Variants in BCAS3 observed in about 807,000 individuals in gnomAD.
BCAS3 encodes the protein BCAS4/BCAS3 fusion.
BCAS3 carries 53 observed loss-of-function variants against 116.1 expected under a neutral mutation model. That is an observed-to-expected ratio of 0.46 (90% CI 0.37 to 0.57). BCAS3 has a LOEUF of 0.57. Among genes scored for constraint, BCAS3 ranks in the 20% least tolerant of loss-of-function variants. BCAS3 has a pLI of 0.00. For synonymous variants in BCAS3, 391 were observed against 408.2 expected (o/e 0.96, Z 0.51); for missense variants, 917 against 1,165.4 (o/e 0.79, Z 3.10).
At chr17:60,958,509 T>C (rs755001505) in intron 14 of BCAS3, among the ~76,000 whole-genome samples, 5 of 152,202 alleles carry the variant, frequency 3.3e-5, no homozygotes, top group Non-Finnish European at 7.3e-5. Flanking sequence ...GCAAGACTTG[T>C]ACTCTGAAAG....
chr17:61,224,829 T>C lies in BCAS3; in HGVS notation c.2425+140265T>C, dbSNP rs1382901438. ...CTGAAGTACTTTTAGCACATTTGGC[T>C]TCAGCCTAGCCATATTTCAAGTGCT... On this transcript the variant is annotated intron_variant, in intron 22 of 23. Coordinates refer to ENST00000407086, the MANE Select transcript of BCAS3 (RefSeq NM_017679.5). The surrounding 1 kb of genome is among the most constrained non-coding windows in gnomAD (Gnocchi z 5.7). 1.3e-5 allele frequency among the ~76,000 whole-genome samples: 2 copies of C among 152,246 alleles called. No individual in the cohort carries two copies. The highest frequency in any genetic ancestry group is 4.8e-5 in the African/African-American group (2 of 41,466).
At position 61,134,426 on chromosome 17, in the gene BCAS3, G is replaced by A. The variant is rs548629077; in HGVS notation, c.2425+49862G>A. 5.9e-5 allele frequency among the ~76,000 whole-genome samples: 9 copies of A among 152,274 alleles called. No individual in the cohort carries two copies. In the South Asian group the frequency reaches 8.3e-4, roughly 14 times the overall value. ...TGGTGGAATGAGGATTCGGAACCAC[G>A]CATGTCTGACTCCAGAGCCCTCGCT... On this transcript the variant is annotated intron_variant, in intron 22 of 23. Transcript: ENST00000407086. This position sits in a 1 kb window ranked among gnomAD's most constrained non-coding sequence, Gnocchi z 4.6.
At chr17:60,897,908 A>T (rs948926826) in intron 10 of BCAS3, among the ~76,000 whole-genome samples, 18 of 145,478 alleles carry the variant, frequency 1.2e-4, no homozygotes, top group Admixed American at 2.7e-4. Flanking sequence ...TTTTATTTTT[A>T]TTTTTTTTTT....
At chr17:60,839,390 T>C (rs910653845) in intron 7 of BCAS3, among the ~76,000 whole-genome samples, 5 of 152,208 alleles carry the variant, frequency 3.3e-5, no homozygotes, top group Admixed American at 2.0e-4. Context: ...GAAGAATGTC[T>C]GATTCCAACC....
At chr17:60,965,843 C>T (rs909436696) in intron 14 of BCAS3, among the ~76,000 whole-genome samples, 17 of 152,156 alleles carry the variant, frequency 1.1e-4, no homozygotes, top group African/African-American at 3.9e-4. Context: ...GTTCTCTAAA[C>T]GTAGTTAGGC....
chr17:60,921,501 T>C (rs1468535650), intron 12 of BCAS3, among the ~76,000 whole-genome samples: 1 of 149,274 alleles, frequency 6.7e-6, no homozygotes, highest in African/African-American at 2.5e-5. Flanking sequence ...TAGTCCCAGC[T>C]ACTTGGGAGG....
chr17:61,168,939 A>G (rs1190273855), intron 22 of BCAS3, among the ~76,000 whole-genome samples: 1 of 152,188 alleles, frequency 6.6e-6, no homozygotes, highest in African/African-American at 2.4e-5. Context: ...CACAAATGGA[A>G]AAGTCTCACC....
chr17:60,703,937 G>GA lies in BCAS3; in HGVS notation c.215-5272dup, dbSNP rs918524218. On this transcript the variant is annotated intron_variant, in intron 4 of 23. Transcript: ENST00000407086. ...GTCTCAAAAAAAAAAAAGAAAAAAA[G>GA]AAAAAAAAAAGAAAGACTTACTATA... Among the ~76,000 whole-genome samples the GA allele has an allele frequency of 2.3e-3, 327 of 140,120 alleles. 2 individuals carry two copies. The highest frequency in any genetic ancestry group is 8.0e-3 in the African/African-American group (295 of 37,008). 91.9% of individuals were successfully genotyped at this position (140,120 alleles called of 152,430 possible). A position where few individuals can be genotyped will look rare whatever the true frequency, so the allele number is the denominator to read the frequency against.
intron 7 of BCAS3, chr17:60,811,001 C>T (rs577237732): frequency 7.5e-6 from 5 of 665,450 alleles, no homozygotes; most frequent in Admixed American, 1.9e-5. Flanking sequence ...GAAGAGAGCA[C>T]CACAGTGGTC....
intron 7 of BCAS3, among the ~76,000 whole-genome samples, chr17:60,814,269 TTGTGTGTGTGTGTG>T (rs67077498): frequency 1.0e-4 from 14 of 134,852 alleles, no homozygotes; most frequent in Non-Finnish European, 1.4e-4. Context: ...TCTTGGTATT[TTGTGTGTGTGTGTG>T]TGTGTGTGTG....
rs370474249 is a variant in BCAS3, at chr17:61,136,091, C to T, written c.2425+51527C>T. On this transcript the variant is annotated intron_variant, in intron 22 of 23. Transcript: ENST00000407086. This position sits in a 1 kb window ranked among gnomAD's most constrained non-coding sequence, Gnocchi z 4.4. Reference sequence around the variant, plus strand: ...CGCCTGCCTTCCCCGCGACCGGCAGCCTGAGCTCTAACAATTCTCAACTAC... The same window carrying T: ...CGCCTGCCTTCCCCGCGACCGGCAGTCTGAGCTCTAACAATTCTCAACTAC... 3 of 154,090 alleles carry T rather than the reference C, an allele frequency of 1.9e-5. No homozygotes were observed. The highest frequency in any genetic ancestry group is 7.2e-5 in the African/African-American group (3 of 41,478). The allele number at this position is 154,090 out of a possible 1,614,324, so 9.5% of individuals were successfully genotyped here.
chr17:61,386,864 G>T (rs1245729159), intron 23 of BCAS3, among the ~76,000 whole-genome samples: 1 of 146,866 alleles, frequency 6.8e-6, no homozygotes, highest in Middle Eastern at 3.7e-3. Context: ...CTGCAGCCTG[G>T]AACACCTGGG....
chr17:60,717,622 G>A lies in BCAS3; in HGVS notation c.321+8297G>A, dbSNP rs996775838. On this transcript the variant is annotated intron_variant, in intron 5 of 23. Coordinates refer to ENST00000407086, the MANE Select transcript of BCAS3 (RefSeq NM_017679.5). ...GTCCAAGAGTTAGCAGTTGGCTAGG[G>A]CTTTGTTTTCGCCCTTGTAAGGACA... 2.6e-5 allele frequency among the ~76,000 whole-genome samples: 4 copies of A among 152,126 alleles called. 1 individual carries two copies. Among genetic ancestry groups the A allele is most frequent in the African/African-American group, 9.7e-5 (4 of 41,428 alleles).
intron 22 of BCAS3, among the ~76,000 whole-genome samples, chr17:61,218,167 G>A (rs1193016242): frequency 1.3e-5 from 2 of 152,120 alleles, no homozygotes; most frequent in East Asian, 3.9e-4. Flanking sequence ...GTTCCTCCTG[G>A]AGCTGACTAC....
chr17:60,950,721 T>C (rs969419158), intron 14 of BCAS3, among the ~76,000 whole-genome samples: 2 of 152,192 alleles, frequency 1.3e-5, no homozygotes, highest in African/African-American at 2.4e-5. Context: ...AACAATGAGA[T>C]ATAGTCAACA....
At chr17:61,165,512 C>T (rs889307394) in intron 22 of BCAS3, among the ~76,000 whole-genome samples, 2 of 152,030 alleles carry the variant, frequency 1.3e-5, no homozygotes, top group Non-Finnish European at 1.5e-5. Context: ...CATGGAGAAA[C>T]CCCATCTCTA....
At chr17:61,252,314 ATAGCACT>A (rs1338854702) in intron 22 of BCAS3, among the ~76,000 whole-genome samples, 1 of 152,228 alleles carries the variant, frequency 6.6e-6, no homozygotes, top group African/African-American at 2.4e-5. Flanking sequence ...TATTTAGGAA[ATAGCACT>A]TAGCAGGGTC....
intron 22 of BCAS3, among the ~76,000 whole-genome samples, chr17:61,319,994 AT>A (rs1481352251): frequency 2.0e-5 from 3 of 150,476 alleles, no homozygotes; most frequent in South Asian, 4.2e-4. Flanking sequence ...GGGTTCAAGC[AT>A]TCTCCTACCT....
intron 22 of BCAS3, among the ~76,000 whole-genome samples, chr17:61,328,304 AAAAC>A (rs1476489684): frequency 6.6e-6 from 1 of 152,252 alleles, no homozygotes; most frequent in East Asian, 1.9e-4. Flanking sequence ...GTAAACAACA[AAAAC>A]AAACAGGGAA....
Sources: gnomAD v4.1 joint callset for allele counts (sites outside exome capture counted in the v4.1 genomes callset) on GRCh38, gnomAD v4.1.1 for gene constraint, Gnocchi (gnomAD v3.1) non-coding constraint, MANE v1.5 for transcripts, NCBI Gene and HGNC (gene_info 2026-07-23, HGNC 2026-07-21) for gene names.